ADAM12: variants seen among roughly 807,000 people sequenced by gnomAD.
ADAM12 encodes the protein disintegrin and metalloproteinase domain-containing protein 12.
ADAM12 carries 70 observed loss-of-function variants against 106.4 expected under a neutral mutation model. The observed-to-expected ratio is 0.66, with a 90% CI of 0.54 to 0.80. ADAM12 has a LOEUF of 0.80. Among genes scored for constraint, ADAM12 ranks in the 30% least tolerant of loss-of-function variants. The pLI, the probability that ADAM12 is intolerant of heterozygous loss-of-function variation, is 0.00. For missense variants in ADAM12, 1,010 were observed against 1,171.9 expected, an observed-to-expected ratio of 0.86 and a Z score of 2.02; for synonymous variants, 420 against 433.5, an observed-to-expected ratio of 0.97 and a Z score of 0.39.
chr10:126,320,282 G>T (rs1006100700), intron 2 of ADAM12, among the ~76,000 whole-genome samples: 1 of 152,210 alleles, frequency 6.6e-6, no homozygotes, highest in Non-Finnish European at 1.5e-5. Context: ...AGACACAAGA[G>T]CATGAGGAGT....
intron 3 of ADAM12, among the ~76,000 whole-genome samples, chr10:126,227,624 G>A (rs1464586460): frequency 6.6e-6 from 1 of 152,136 alleles, no homozygotes; most frequent in African/African-American, 2.4e-5. Flanking sequence ...TGCTTTGCAG[G>A]CATGCTCACG....
intron 1 of ADAM12, among the ~76,000 whole-genome samples, chr10:126,332,970 T>C (rs1854574865): frequency 6.6e-6 from 1 of 152,144 alleles, no homozygotes; most frequent in African/African-American, 2.4e-5. Flanking sequence ...TGTCATGTTA[T>C]TGGAATTGGA....
At chr10:126,031,656 TAAAC>T (rs1351525836) in intron 21 of ADAM12, among the ~76,000 whole-genome samples, 2 of 152,202 alleles carry the variant, frequency 1.3e-5, no homozygotes, top group African/African-American at 4.8e-5. Flanking sequence ...CATGGCAACT[TAAAC>T]AAAGTAGCCT....
At chr10:126,095,473 G>A (rs2133566539) in intron 10 of ADAM12, among the ~76,000 whole-genome samples, 1 of 138,696 alleles carries the variant, frequency 7.2e-6, no homozygotes, top group East Asian at 2.3e-4. Context: ...GGCGGAGCTT[G>A]CAGTGAGCCA....
At chr10:126,119,833 G>A (rs969803700) in intron 5 of ADAM12, among the ~76,000 whole-genome samples, 1 of 152,298 alleles carries the variant, frequency 6.6e-6, no homozygotes, top group African/African-American at 2.4e-5. Flanking sequence ...TCCTTCAAAC[G>A]ATGGGAACCT....
intron 14 of ADAM12, among the ~76,000 whole-genome samples, chr10:126,058,088 G>A (rs192859891): frequency 1.3e-5 from 2 of 152,138 alleles, no homozygotes; most frequent in Non-Finnish European, 2.9e-5. Context: ...CAGGGCTCCC[G>A]TGTCCTTCAG....
intron 1 of ADAM12, among the ~76,000 whole-genome samples, chr10:126,359,834 C>A (rs1486439342): frequency 1.3e-5 from 2 of 152,232 alleles, no homozygotes; most frequent in African/African-American, 4.8e-5. Flanking sequence ...GTGGGGGCTG[C>A]AACCCCACAT....
intron 3 of ADAM12, among the ~76,000 whole-genome samples, chr10:126,239,932 G>A (rs923025260): frequency 6.6e-6 from 1 of 152,156 alleles, no homozygotes; most frequent in South Asian, 2.1e-4. Context: ...TTCCAAACTG[G>A]GGTCTTACAC....
Position 126,064,665 on chromosome 10 carries a change from C to T in ADAM12, c.1609+141G>A, listed in dbSNP as rs1054249167. 5 of 908,116 alleles carry T rather than the reference C, an allele frequency of 5.5e-6. No homozygotes were observed. The highest frequency in any genetic ancestry group is 1.7e-5 in the African/African-American group (1 of 60,218). 56.3% of individuals were successfully genotyped at this position (908,116 alleles called of 1,614,324 possible). ...TCAGACCCTCCCTGGGAGTCAATCA[C>T]TCCCGACTGAACACACCGGATGCTG... On this transcript the variant is annotated intron_variant, in intron 14 of 22. Coordinates refer to ENST00000448723, the MANE Select transcript of ADAM12 (RefSeq NM_001288973.2). The surrounding 1 kb of genome is among the most constrained non-coding windows in gnomAD (Gnocchi z 4.4).
intron 1 of ADAM12, among the ~76,000 whole-genome samples, chr10:126,378,101 C>A (rs1251312646): frequency 6.6e-6 from 1 of 152,050 alleles, no homozygotes; most frequent in Non-Finnish European, 1.5e-5. Flanking sequence ...CCAATTAAAA[C>A]AATGAAATAT....
Position 126,388,184 on chromosome 10 carries a change from G to T in ADAM12, c.-39C>A. The T allele has an allele frequency of 8.3e-7, 1 of 1,202,018 alleles. No homozygotes were observed. Among genetic ancestry groups the T allele is most frequent in the Non-Finnish European group, 1.0e-6 (1 of 968,670 alleles). 74.5% of individuals were successfully genotyped at this position (1,202,018 alleles called of 1,614,324 possible). A position where few individuals can be genotyped will look rare whatever the true frequency, so the allele number is the denominator to read the frequency against. ...CAGTGCAGCAGCTCTCGGGCCCGGC[G>T]GCGAGCGCTGCACCATCCCACGCGG... On this transcript the variant is annotated 5_prime_UTR_variant, in exon 1 of 23. Transcript: ENST00000448723. The surrounding 1 kb of genome is among the most constrained non-coding windows in gnomAD (Gnocchi z 4.4).
rs1173748306 is a variant in ADAM12 at position 126,302,691 on chromosome 10, A to G, written c.187-23703T>C. ...TTCAATTGTTTTTTAAAAGGAAACC[A>G]CCAATGGTGAGGATGTTTCATTATG... On this transcript the variant is annotated intron_variant, in intron 2 of 22. Transcript: ENST00000448723. 4.6e-5 allele frequency among the ~76,000 whole-genome samples: 7 copies of G among 152,194 alleles called. No individual in the cohort carries two copies. The East Asian group carries it at 1.3e-3, about 29-fold the overall frequency.
intron 3 of ADAM12, among the ~76,000 whole-genome samples, chr10:126,189,987 G>A (rs572508850): frequency 6.6e-6 from 1 of 152,140 alleles, no homozygotes; most frequent in South Asian, 2.1e-4. Context: ...TCAGAAGATG[G>A]TCACTGAAGA....
intron 3 of ADAM12, among the ~76,000 whole-genome samples, chr10:126,210,720 A>G (rs1037102321): frequency 7.2e-5 from 11 of 152,132 alleles, no homozygotes; most frequent in African/African-American, 2.4e-4. Context: ...GGTTCCTTCC[A>G]CCAGTGAAAC....
intron 11 of ADAM12, among the ~76,000 whole-genome samples, chr10:126,073,488 A>T (rs1204711452): frequency 6.6e-6 from 1 of 152,016 alleles, no homozygotes; most frequent in African/African-American, 2.4e-5. Context: ...TGTACAGATT[A>T]TTTCATCACC....
intron 5 of ADAM12, among the ~76,000 whole-genome samples, chr10:126,126,128 C>T (rs1218689011): frequency 1.3e-5 from 2 of 152,272 alleles, no homozygotes; most frequent in South Asian, 2.1e-4. Context: ...CACAGCCATA[C>T]AGCCAATCAG....
rs765791158 is a variant in ADAM12, at chr10:126,249,675, G to A, written c.260+29240C>T. Among the ~76,000 whole-genome samples the A allele has an allele frequency of 1.0e-3, 154 of 152,180 alleles. 1 individual carries two copies. The highest frequency in any genetic ancestry group is 2.4e-3 in the Admixed American group (37 of 15,280). On this transcript the variant is annotated intron_variant, in intron 3 of 22. Coordinates refer to ENST00000448723, the MANE Select transcript of ADAM12 (RefSeq NM_001288973.2). The stretch of plus-strand genomic sequence containing the variant: ...GCCGAGATCACGCCACTGCACTCCA[G>A]TCTGCCAGACTCCGTCTCAAAAAAA...
At chr10:126,162,626 G>C (rs1385524865) in intron 3 of ADAM12, among the ~76,000 whole-genome samples, 2 of 152,112 alleles carry the variant, frequency 1.3e-5, no homozygotes, top group Non-Finnish European at 2.9e-5. Context: ...GGAGGGGAAA[G>C]AGAAAAATAC....
intron 3 of ADAM12, among the ~76,000 whole-genome samples, chr10:126,202,698 C>A (rs550110916): frequency 9.2e-5 from 14 of 152,264 alleles, no homozygotes; most frequent in Non-Finnish European, 1.3e-4. Context: ...TCACAACGTA[C>A]AATTTTGCCG....
Sources: allele counts gnomAD v4.1 joint callset (sites outside exome capture counted in the v4.1 genomes callset), GRCh38; gene constraint gnomAD v4.1.1; non-coding constraint Gnocchi (gnomAD v3.1); transcripts MANE v1.5; gene names NCBI Gene and HGNC (gene_info 2026-07-23, HGNC 2026-07-21).